The following PLS3 variants were observed in gnomAD, a reference collection of about 807,000 sequenced individuals.
PLS3 encodes plastin 3.
Under a neutral mutation model 46.5 loss-of-function variants are expected in PLS3, and 11 were observed. The ratio of observed to expected loss-of-function variants is 0.24; its 90% confidence interval spans 0.15 to 0.39. The LOEUF (loss-of-function observed/expected upper bound fraction) is 0.39. Among genes scored for constraint, PLS3 ranks in the 10% least tolerant of loss-of-function variants. PLS3 has a pLI of 1.00. For synonymous variants in PLS3, 167 were observed against 162.2 expected (o/e 1.03, Z -0.22); for missense variants, 308 against 461.8 (o/e 0.67, Z 3.05).
chrX:115,627,151 C>T (rs2147528249), intron 3 of PLS3, among the ~76,000 whole-genome samples: 1 of 111,691 alleles, frequency 9.0e-6, no homozygotes, highest in Non-Finnish European at 1.9e-5. Flanking sequence ...CGTGCCCAGC[C>T]TACTTTTCTA....
chrX:115,599,131 A>T (rs1026582909), intron 1 of PLS3, among the ~76,000 whole-genome samples: 6 of 109,991 alleles, frequency 5.5e-5, no homozygotes, highest in Non-Finnish European at 1.1e-4. Flanking sequence ...TTATTTTCCA[A>T]AGGCTATATA....
intron 1 of PLS3, among the ~76,000 whole-genome samples, chrX:115,566,718 C>T (rs1556630162): frequency 3.5e-4 from 37 of 106,847 alleles, no homozygotes; most frequent in Non-Finnish European, 1.9e-5. Context: ...CTCGCTCTGT[C>T]GCCCAGGCTG....
chrX:115,601,876 T>C (rs782345679), intron 1 of PLS3, among the ~76,000 whole-genome samples: 7 of 111,760 alleles, frequency 6.3e-5, no homozygotes, highest in African/African-American at 2.3e-4. Context: ...GGGAAAATAA[T>C]GTGGCAGTAA....
At chrX:115,632,054 T>C (rs1322337918) in intron 5 of PLS3, among the ~76,000 whole-genome samples, 1 of 110,906 alleles carries the variant, frequency 9.0e-6, no homozygotes, top group Non-Finnish European at 1.9e-5. Flanking sequence ...TCCTCCTGCC[T>C]CAGCCTACCA....
intron 2 of PLS3, among the ~76,000 whole-genome samples, chrX:115,612,215 T>C (rs2074554775): frequency 9.0e-6 from 1 of 111,475 alleles, no homozygotes; most frequent in Non-Finnish European, 1.9e-5. Flanking sequence ...AGGGCCTTTG[T>C]TGTGAAGATT....
intron 1 of PLS3, among the ~76,000 whole-genome samples, chrX:115,568,459 A>C (rs782185936): frequency 9.8e-5 from 11 of 112,334 alleles, no homozygotes; most frequent in Non-Finnish European, 1.3e-4. Flanking sequence ...CATTATAAAC[A>C]TGTTTCCAAG....
At chrX:115,621,372 G>T (rs2147514521) in intron 2 of PLS3, among the ~76,000 whole-genome samples, 1 of 112,163 alleles carries the variant, frequency 8.9e-6, no homozygotes, top group East Asian at 2.8e-4. Flanking sequence ...TGTTCAGGTT[G>T]TTTCCTTCTA....
chrX:115,633,922 T>C, intron 5 of PLS3, 78 bp from the exon 6 acceptor site: 1 of 560,484 alleles, frequency 1.8e-6, no homozygotes, highest in Non-Finnish European at 3.1e-6. Context: ...AAAATATTTG[T>C]AAATATTTAC....
chrX:115,632,656 G>A (rs1487864719), intron 5 of PLS3, among the ~76,000 whole-genome samples: 1 of 110,733 alleles, frequency 9.0e-6, no homozygotes, highest in South Asian at 3.8e-4. Flanking sequence ...AGAATCTCAT[G>A]CTCAACTAAT....
intron 1 of PLS3, among the ~76,000 whole-genome samples, chrX:115,586,677 CAAAA>C (rs782370947): frequency 1.3e-4 from 10 of 78,467 alleles, no homozygotes; most frequent in Admixed American, 1.5e-4. Context: ...GACTCCGTCT[CAAAA>C]AAAAAAAAAA....
rs191246889 is a variant in PLS3 at position 115,647,666 on chromosome X, G to A, written c.1628G>A (p.Ser543Asn). The A allele has an allele frequency of 8.3e-7, 1 of 1,202,995 alleles. No homozygotes were observed. Among genetic ancestry groups the A allele is most frequent in the East Asian group, 3.0e-5 (1 of 33,699 alleles). ...GCTGGAAAATCAACTTCCATTCAGAGTTTTAAGGTCAGAATCCATATTTGA... is the reference window on the plus strand; with the variant it reads ...GCTGGAAAATCAACTTCCATTCAGAATTTTAAGGTCAGAATCCATATTTGA... Reference protein sequence around the residue: ...SEAGKSTSIQSFKDKTISSSL... With the variant: ...SEAGKSTSIQNFKDKTISSSL... Residue 543 changes from serine to asparagine, a missense_variant, in exon 14 of 16, where the codon AGT (serine) becomes AAT (asparagine). Physicochemically the swap from Ser to Asn is conservative, Grantham distance 46. Coordinates refer to ENST00000355899, the MANE Select transcript of PLS3 (RefSeq NM_005032.7).
chrX:115,563,482 T>A (rs1214187259), intron 1 of PLS3, among the ~76,000 whole-genome samples: 1 of 111,030 alleles, frequency 9.0e-6, no homozygotes, highest in Non-Finnish European at 1.9e-5. Context: ...CTATTCAGAT[T>A]ATATATTACA....
In PLS3 at chrX:115,561,877, G is replaced by A. The variant is rs782143323; in HGVS notation, c.-9+617G>A. Among the ~76,000 whole-genome samples the A allele has an allele frequency of 2.7e-5, 3 of 111,484 alleles. No homozygotes were observed. In the Admixed American group the frequency reaches 2.8e-4, roughly 11 times the overall value. ...TGCCTTCTGCCTGCTTCCCTCCCTT[G>A]TCCTTAGCGAGGGCGTCGCGAACGC... On this transcript the variant is annotated intron_variant, in intron 1 of 15. Transcript: ENST00000355899.
Position 115,648,197 on chromosome X carries a change from A to C in PLS3, c.1760+180A>C, listed in dbSNP as rs782203769. Among the ~76,000 whole-genome samples the C allele has an allele frequency of 2.2e-4, 24 of 111,619 alleles. No individual in the cohort carries two copies. In the Admixed American group the frequency reaches 2.2e-3, roughly 10 times the overall value. On this transcript the variant is annotated intron_variant, in intron 15 of 15. Transcript: ENST00000355899. ...CTTACCTTAGATTTTATAAAGATTA[A>C]ATTTTTAAAAATTATAAGAGCCTAG...
In PLS3 at chrX:115,616,198, G is replaced by A. The variant is rs781824249; in HGVS notation, c.73+5875G>A. 3.6e-5 allele frequency among the ~76,000 whole-genome samples: 4 copies of A among 111,979 alleles called. No homozygotes were observed. In the Admixed American group the frequency reaches 3.8e-4, roughly 11 times the overall value. On this transcript the variant is annotated intron_variant, in intron 2 of 15. Transcript: ENST00000355899. ...TGAACAGCAACATTCTAATTCCAAT[G>A]CTCTGTTTTTAAAGTGGACACTGTA...
At chrX:115,592,569 T>C (rs782219488) in intron 1 of PLS3, among the ~76,000 whole-genome samples, 2 of 111,668 alleles carry the variant, frequency 1.8e-5, no homozygotes, top group Non-Finnish European at 3.8e-5. Context: ...CAACTGATTG[T>C]TCTCTCTCAT....
At chrX:115,572,567 T>G (rs1211644789) in intron 1 of PLS3, among the ~76,000 whole-genome samples, 2 of 111,457 alleles carry the variant, frequency 1.8e-5, no homozygotes, top group Admixed American at 1.9e-4. Context: ...TATATTAAGA[T>G]GGTACAAACT....
intron 1 of PLS3, among the ~76,000 whole-genome samples, chrX:115,602,407 T>G (rs1556634743): frequency 5.4e-5 from 6 of 111,813 alleles, no homozygotes; most frequent in Non-Finnish European, 1.1e-4. Context: ...GACTGGAGCT[T>G]TAGTAATCAT....
At position 115,649,760 on chromosome X, in the gene PLS3, G is replaced by A; in HGVS notation, c.*199G>A. ...ACAACTCCTCTTTCCCATAGTCAGA[G>A]TTGAATTTGTCAGGCACGCCTGAAA... On this transcript the variant is annotated 3_prime_UTR_variant, in exon 16 of 16. Transcript: ENST00000355899. The A allele has an allele frequency of 3.1e-6, 1 of 326,807 alleles. No individual in the cohort carries two copies. The highest frequency in any genetic ancestry group is 5.4e-6 in the Non-Finnish European group (1 of 186,489). The allele number at this position is 326,807 out of a possible 1,213,427, so 26.9% of individuals were successfully genotyped here.
Sources: gnomAD v4.1 joint callset for allele counts (sites outside exome capture counted in the v4.1 genomes callset) on GRCh38, gnomAD v4.1.1 for gene constraint, MANE v1.5 for transcripts, NCBI Gene and HGNC (gene_info 2026-07-23, HGNC 2026-07-21) for gene names.